The following ZFAND3 variants were observed in gnomAD, a reference collection of about 807,000 sequenced individuals.
ZFAND3 encodes zinc finger AN1-type containing 3.
A neutral mutation model predicts 29.6 loss-of-function variants in ZFAND3; 10 were observed. The ratio of observed to expected loss-of-function variants is 0.34; its 90% CI spans 0.21 to 0.57. The LOEUF is 0.57. ZFAND3 is among the 20% of genes least tolerant of loss of function. ZFAND3 has a pLI of 0.86. For missense variants in ZFAND3, 230 were observed against 304.5 expected (o/e 0.76, Z 1.82); for synonymous variants, 128 against 112.6 (o/e 1.14, Z -0.87).
chr6:37,953,841 A>G (rs1762041953), intron 2 of ZFAND3, among the ~76,000 whole-genome samples: 1 of 152,202 alleles, frequency 6.6e-6, no homozygotes, highest in South Asian at 2.1e-4. Context: ...TCTTGACAAT[A>G]TAGATCTAGA....
intron 1 of ZFAND3, among the ~76,000 whole-genome samples, chr6:37,885,196 A>C (rs1344273964): frequency 1.3e-5 from 2 of 152,162 alleles, no homozygotes; most frequent in East Asian, 3.8e-4. Flanking sequence ...ATTGGGAAAA[A>C]AGGGGTGGGT....
chr6:38,144,201 A>ATTATATATATAATATATAATATATATAT (rs1554183966), intron 5 of ZFAND3, among the ~76,000 whole-genome samples: 19 of 44,022 alleles, frequency 4.3e-4, no homozygotes, highest in Non-Finnish European at 7.7e-4. Flanking sequence ...ATATATATAT[A>ATTATATATATAATATATAATATATATAT]TATATATATA....
intron 3 of ZFAND3, among the ~76,000 whole-genome samples, chr6:38,065,186 C>T (rs976648643): frequency 5.9e-5 from 9 of 151,890 alleles, no homozygotes; most frequent in African/African-American, 1.7e-4. Flanking sequence ...CATGGTAGTG[C>T]GCACCTGTAG....
intron 1 of ZFAND3, among the ~76,000 whole-genome samples, chr6:37,895,418 T>A (rs1010662154): frequency 4.0e-5 from 6 of 151,162 alleles, no homozygotes; most frequent in Admixed American, 2.6e-4. Context: ...CACTGCAACT[T>A]CGGCCTTCTG....
At chr6:37,893,684 G>T (rs1157945776) in intron 1 of ZFAND3, among the ~76,000 whole-genome samples, 1 of 152,110 alleles carries the variant, frequency 6.6e-6, no homozygotes, top group Non-Finnish European at 1.5e-5. Context: ...CTCCTGAGTA[G>T]CTGGGATTAC....
chr6:37,997,449 A>C (rs1381129204), intron 2 of ZFAND3, among the ~76,000 whole-genome samples: 2 of 152,232 alleles, frequency 1.3e-5, no homozygotes, highest in Admixed American at 6.5e-5. Context: ...TGTCATTCGT[A>C]CAGAAAGCTA....
At chr6:38,035,063 C>T (rs1223138823) in intron 2 of ZFAND3, among the ~76,000 whole-genome samples, 5 of 150,520 alleles carry the variant, frequency 3.3e-5, no homozygotes, top group African/African-American at 1.2e-4. Context: ...TCCTGTTGAG[C>T]TTTCGGGGTT....
chr6:37,852,861 G>A (rs569011928), intron 1 of ZFAND3, among the ~76,000 whole-genome samples: 30 of 151,936 alleles, frequency 2.0e-4, no homozygotes, highest in Admixed American at 5.2e-4. Flanking sequence ...GATCACAGGC[G>A]TGAGCCACCA....
At chr6:37,848,851 T>C (rs189206785) in intron 1 of ZFAND3, among the ~76,000 whole-genome samples, 22 of 152,310 alleles carry the variant, frequency 1.4e-4, no homozygotes, top group Non-Finnish European at 2.8e-4. Flanking sequence ...ATAATGATGC[T>C]GAAGACAATT....
At chr6:37,861,711 T>C (rs933029041) in intron 1 of ZFAND3, among the ~76,000 whole-genome samples, 1 of 152,230 alleles carries the variant, frequency 6.6e-6, no homozygotes, top group African/African-American at 2.4e-5. Flanking sequence ...CCTCTAGCAA[T>C]AACTTCAGAG....
At chr6:37,889,705 G>A (rs1302631936) in intron 1 of ZFAND3, among the ~76,000 whole-genome samples, 1 of 152,200 alleles carries the variant, frequency 6.6e-6, no homozygotes, top group Non-Finnish European at 1.5e-5. Flanking sequence ...ATGGGGCATT[G>A]CTGTACTTGG....
intron 2 of ZFAND3, among the ~76,000 whole-genome samples, chr6:37,949,470 G>T (rs145535060): frequency 2.8e-4 from 43 of 152,218 alleles, no homozygotes; most frequent in Admixed American, 1.2e-3. Context: ...GTATCCTCCA[G>T]TTCAATTCTG....
intron 1 of ZFAND3, among the ~76,000 whole-genome samples, chr6:37,914,737 G>A (rs1241174230): frequency 2.2e-4 from 30 of 138,352 alleles, no homozygotes; most frequent in African/African-American, 7.0e-4. Flanking sequence ...TCCTGACCTC[G>A]TGATCTGCCT....
At chr6:37,997,058 GC>G (rs1475486519) in intron 2 of ZFAND3, among the ~76,000 whole-genome samples, 1 of 152,174 alleles carries the variant, frequency 6.6e-6, no homozygotes, top group African/African-American at 2.4e-5. Context: ...GCCTGGCAGT[GC>G]CTTTATTATG....
chr6:37,887,290 A>G (rs2127394724), intron 1 of ZFAND3, among the ~76,000 whole-genome samples: 2 of 152,340 alleles, frequency 1.3e-5, no homozygotes, highest in South Asian at 2.1e-4. Flanking sequence ...AAAGAAATGC[A>G]TTTATTGTTC....
chr6:38,065,028 A>G lies in ZFAND3; in HGVS notation c.295+3253A>G, dbSNP rs148298616. ...GGTTGCCAAGAGTGAGAGCAAAGAAAAGCAGGGAGGGCTGGGCACATGGCT... is the reference window on the plus strand; with the variant it reads ...GGTTGCCAAGAGTGAGAGCAAAGAAGAGCAGGGAGGGCTGGGCACATGGCT... On this transcript the variant is annotated intron_variant, in intron 3 of 5. Transcript: ENST00000287218. Among the ~76,000 whole-genome samples the G allele has an allele frequency of 8.8e-4, 134 of 152,272 alleles. 1 individual carries two copies. The East Asian group carries it at 0.023, about 26-fold the overall frequency.
intron 1 of ZFAND3, among the ~76,000 whole-genome samples, chr6:37,891,416 T>TCCCCAC (rs1554153093): frequency 3.4e-5 from 4 of 117,136 alleles, no homozygotes; most frequent in African/African-American, 1.5e-4. Context: ...GAGATTTCAG[T>TCCCCAC]CCCCCCCCCC....
intron 2 of ZFAND3, among the ~76,000 whole-genome samples, chr6:37,972,181 T>C (rs1413770288): frequency 2.0e-5 from 3 of 152,190 alleles, no homozygotes; most frequent in Non-Finnish European, 2.9e-5. Context: ...CCAGCTGTTA[T>C]ACCTCACTCA....
intron 2 of ZFAND3, among the ~76,000 whole-genome samples, chr6:37,977,828 T>TTTTTTTCCTTCCTTCC (rs70981515): frequency 1.3e-5 from 1 of 76,420 alleles, no homozygotes; most frequent in African/African-American, 5.0e-5. Flanking sequence ...GTAAAATGCT[T>TTTTTTTCCTTCCTTCC]TTCCTTCCTT....
Sources: allele counts gnomAD v4.1 joint callset (sites outside exome capture counted in the v4.1 genomes callset), GRCh38; gene constraint gnomAD v4.1.1; transcripts MANE v1.5; gene names NCBI Gene and HGNC (gene_info 2026-07-23, HGNC 2026-07-21).